CAMK2B: variants seen among roughly 807,000 people sequenced by gnomAD.
CAMK2B encodes calcium/calmodulin-dependent protein kinase type II subunit beta.
CAMK2B carries 27 observed loss-of-function variants against 93.7 expected under a neutral mutation model. That is an observed-to-expected ratio of 0.29 (90% CI 0.21 to 0.40). The LOEUF is 0.40. Among genes scored for constraint, CAMK2B ranks in the 10% least tolerant of loss-of-function variants. The pLI, the probability that CAMK2B is intolerant of heterozygous loss-of-function variation, is 1.00. For missense variants in CAMK2B, 568 were observed against 895.8 expected (o/e 0.63, Z 4.67); for synonymous variants, 374 against 358.8 (o/e 1.04, Z -0.48).
intron 4 of CAMK2B, among the ~76,000 whole-genome samples, chr7:44,257,944 C>A (rs2129022329): frequency 6.6e-6 from 1 of 152,384 alleles, no homozygotes; most frequent in African/African-American, 2.4e-5. Context: ...CTGGGGTAAC[C>A]ATGGCAATAG....
rs765932793 is a variant in CAMK2B at position 44,220,221 on chromosome 7, G to A, written c.1842C>T (p.Ala614=). 10 of 1,613,302 alleles carry A rather than the reference G, an allele frequency of 6.2e-6. No homozygotes were observed. The highest frequency in any genetic ancestry group is 4.5e-5 in the East Asian group (2 of 44,892). ...NPHVHVIGED[A]ACIAYIRLTQ... is the part of the protein sequence containing the mutation. ...TGAGCCGGATGTAAGCGATGCAGGC[G>A]GCATCCTCTCCAATGACGTGCACGT... Residue 614 remains alanine (A), a synonymous_variant, in exon 23 of 24, where the codon GCC becomes GCT. Coordinates refer to ENST00000395749, the MANE Select transcript of CAMK2B (RefSeq NM_001220.5).
intron 3 of CAMK2B, among the ~76,000 whole-genome samples, chr7:44,262,786 C>T (rs756585348): frequency 1.3e-5 from 2 of 152,170 alleles, no homozygotes; most frequent in African/African-American, 4.8e-5. Context: ...GGGGCTGCCC[C>T]GGCTCTGAGC....
rs150405563 is a variant in CAMK2B at position 44,290,315 on chromosome 7, G to A, written c.66-6090C>T. 7.9e-5 allele frequency among the ~76,000 whole-genome samples: 12 copies of A among 152,340 alleles called. No homozygotes were observed. In the East Asian group the frequency reaches 1.5e-3, roughly 20 times the overall value. ...TTTTTGCGTCTGACGCTCCCCACGCGGGCCAGGCGCTGTCTCCCTAGTAGC... is the reference window on the plus strand; with the variant it reads ...TTTTTGCGTCTGACGCTCCCCACGCAGGCCAGGCGCTGTCTCCCTAGTAGC... On this transcript the variant is annotated intron_variant, in intron 1 of 23. Transcript: ENST00000395749.
Position 44,225,466 on chromosome 7 carries a change from C to G in CAMK2B, c.1597+1050G>C, listed in dbSNP as rs112162995. ...CCTATCAGCATCAAGAACCTGGCCTCTCCCCTCAGCTGCTTGCCTCTGATC... is the reference window on the plus strand; with the variant it reads ...CCTATCAGCATCAAGAACCTGGCCTGTCCCCTCAGCTGCTTGCCTCTGATC... On this transcript the variant is annotated intron_variant, in intron 20 of 23. Transcript: ENST00000395749. This position sits in a 1 kb window ranked among gnomAD's most constrained non-coding sequence, Gnocchi z 5.0. 1.3e-5 allele frequency among the ~76,000 whole-genome samples: 2 copies of G among 152,154 alleles called. No homozygotes were observed. Among genetic ancestry groups the G allele is most frequent in the African/African-American group, 4.8e-5 (2 of 41,410 alleles).
intron 3 of CAMK2B, among the ~76,000 whole-genome samples, chr7:44,261,495 A>G (rs979009176): frequency 6.6e-6 from 1 of 152,116 alleles, no homozygotes; most frequent in Admixed American, 6.5e-5. Context: ...CTCCCCATGC[A>G]GGCCTGGTGG....
In CAMK2B at chr7:44,226,573, G is replaced by A; in HGVS notation, c.1540C>T (p.Pro514Ser). The A allele has an allele frequency of 1.4e-6, 2 of 1,476,106 alleles. No individual in the cohort carries two copies. The highest frequency in any genetic ancestry group is 1.5e-5 in the South Asian group (1 of 67,482). The allele number at this position is 1,476,106 out of a possible 1,614,324, so 91.4% of individuals were successfully genotyped here. A position where few individuals can be genotyped will look rare whatever the true frequency, so the allele number is the denominator to read the frequency against. ...GATGGGCAGGGCGGGGGCCCCACTG[G>A]CGAGGGGCCCTCGGCTTCTGGGGTC... ...SGTPEAEGPS[P>S]VGPPPCPSPT... The change falls in exon 20 of 24, where the codon CCA becomes TCA. Residue 514 changes from proline to serine, a missense_variant. Around this residue, in one of 4 missense-constraint regions of CAMK2B, gnomAD observed 308 missense variants for 292.1 expected, o/e 1.05. Coordinates refer to ENST00000395749, the MANE Select transcript of CAMK2B (RefSeq NM_001220.5).
rs1584899409 is a variant in CAMK2B, at chr7:44,312,305, T to G, written c.65+13052A>C. On this transcript the variant is annotated intron_variant, in intron 1 of 23. Coordinates refer to ENST00000395749, the MANE Select transcript of CAMK2B (RefSeq NM_001220.5). This position sits in a 1 kb window ranked among gnomAD's most constrained non-coding sequence, Gnocchi z 4.1. ...GGTGTCAGTGGCGAGAGGGTGGTGG[T>G]GGGAGGGTGGGGCAGAGACCCAGAA... is the stretch of plus-strand genomic sequence containing the variant. Among the ~76,000 whole-genome samples, 9 of 145,170 alleles carry G rather than the reference T, an allele frequency of 6.2e-5. No homozygotes were observed. Among genetic ancestry groups the G allele is most frequent in the South Asian group, 2.4e-4 (1 of 4,174 alleles).
chr7:44,302,672 C>T (rs552007405), intron 1 of CAMK2B, among the ~76,000 whole-genome samples: 2 of 152,224 alleles, frequency 1.3e-5, no homozygotes, highest in South Asian at 4.1e-4. Flanking sequence ...TATATCAATA[C>T]ATGCAAAAAA....
chr7:44,279,368 G>A (rs1259354865), intron 2 of CAMK2B, among the ~76,000 whole-genome samples: 1 of 152,238 alleles, frequency 6.6e-6, no homozygotes, highest in African/African-American at 2.4e-5. Context: ...GCAGGGTGAG[G>A]CTGTGCAGCC....
In CAMK2B at chr7:44,234,656, T is replaced by C; in HGVS notation, c.1042A>G (p.Lys348Glu). Residue 348 changes from lysine (K) to glutamate (E), a missense_variant, in exon 14 of 24, where the codon AAA becomes GAA. Transcript: ENST00000395749. ...VEQAKSLLNK[K>E]ADGVKPQTNS... ...AGCCTCACCTTGACTCCATCTGCTT[T>C]CTTGTTGAGTAAACTCTTGGCTGCT... 6.2e-7 allele frequency: 1 copy of C among 1,614,052 alleles called. No individual in the cohort carries two copies. The highest frequency in any genetic ancestry group is 8.5e-7 in the Non-Finnish European group (1 of 1,179,942).
rs773875653 is a variant in CAMK2B at position 44,228,864 on chromosome 7, T to C, written c.1400A>G (p.Glu467Gly). 38 of 1,530,546 alleles carry C rather than the reference T, an allele frequency of 2.5e-5. No homozygotes were observed. The highest frequency in any genetic ancestry group is 5.7e-5 in the Admixed American group (3 of 52,606). The allele number at this position is 1,530,546 out of a possible 1,614,324, so 94.8% of individuals were successfully genotyped here. A position where few individuals can be genotyped will look rare whatever the true frequency, so the allele number is the denominator to read the frequency against. Reference protein sequence around the residue: ...VRRGSGTPEAEGPLSAGPPPC... With the variant: ...VRRGSGTPEAGGPLSAGPPPC... ...CGGGGGCCCCGCTGAGAGGGGGCCCTCGGCTTCTGGGGTTCCTGAACCCCT... is the reference window on the plus strand; with the variant it reads ...CGGGGGCCCCGCTGAGAGGGGGCCCCCGGCTTCTGGGGTTCCTGAACCCCT... The change falls in exon 19 of 24, where the codon GAG (glutamate) becomes GGG (glycine). Residue 467 changes from glutamate to glycine, a missense_variant. By Grantham distance (98) the Glu-to-Gly change is moderately conservative. Coordinates refer to ENST00000395749, the MANE Select transcript of CAMK2B (RefSeq NM_001220.5).
intron 2 of CAMK2B, among the ~76,000 whole-genome samples, chr7:44,280,716 A>G (rs1477391611): frequency 6.6e-6 from 1 of 152,208 alleles, no homozygotes; most frequent in African/African-American, 2.4e-5. Flanking sequence ...CTACAGCCAG[A>G]AAAGTAGCAG....
chr7:44,299,544 T>C (rs878901164), intron 1 of CAMK2B, among the ~76,000 whole-genome samples: 1 of 152,142 alleles, frequency 6.6e-6, no homozygotes, highest in South Asian at 2.1e-4. Flanking sequence ...TTTATGTATA[T>C]ATGACACAAT....
intron 1 of CAMK2B, among the ~76,000 whole-genome samples, chr7:44,290,632 G>C (rs1786528366): frequency 6.6e-6 from 1 of 152,186 alleles, no homozygotes. Flanking sequence ...AACCAAATTG[G>C]TATTTATTTG....
chr7:44,290,526 T>C (rs948070742), intron 1 of CAMK2B, among the ~76,000 whole-genome samples: 2 of 152,204 alleles, frequency 1.3e-5, no homozygotes, highest in Non-Finnish European at 2.9e-5. Flanking sequence ...GTGGGCTCCA[T>C]GAGGAGGCCT....
intron 2 of CAMK2B, among the ~76,000 whole-genome samples, chr7:44,283,251 C>T (rs569904813): frequency 3.3e-5 from 5 of 152,388 alleles, no homozygotes; most frequent in Middle Eastern, 6.8e-3. Context: ...TTGCTGTGTG[C>T]TGATTTTGGG....
chr7:44,293,845 G>A (rs1787538201), intron 1 of CAMK2B, among the ~76,000 whole-genome samples: 1 of 152,152 alleles, frequency 6.6e-6, no homozygotes. Context: ...GAACCCAGCT[G>A]TATAGGATAG....
intron 1 of CAMK2B, among the ~76,000 whole-genome samples, chr7:44,293,861 C>T (rs993236968): frequency 6.6e-6 from 1 of 152,146 alleles, no homozygotes; most frequent in African/African-American, 2.4e-5. Flanking sequence ...GATAGGAGAA[C>T]AGTGTGATTT....
chr7:44,287,992 C>T (rs1785601674), intron 1 of CAMK2B, among the ~76,000 whole-genome samples: 2 of 152,246 alleles, frequency 1.3e-5, no homozygotes, highest in African/African-American at 4.8e-5. Flanking sequence ...CAGAACTGAC[C>T]TACAAGCAAC....
Sources: allele counts gnomAD v4.1 joint callset (sites outside exome capture counted in the v4.1 genomes callset), GRCh38; gene constraint gnomAD v4.1.1; regional missense constraint gnomAD v4.1.1; non-coding constraint Gnocchi (gnomAD v3.1); transcripts MANE v1.5; gene names NCBI Gene and HGNC (gene_info 2026-07-23, HGNC 2026-07-21).